Variants in DNAJA2 observed in about 807,000 individuals in gnomAD.
DNAJA2 encodes the protein DnaJ heat shock protein family (Hsp40) member A2, also known as dnaJ homolog subfamily A member 2.
A neutral mutation model predicts 49.3 loss-of-function variants in DNAJA2; 6 were observed. The observed-to-expected ratio is 0.12, with a 90% CI of 0.07 to 0.24. The LOEUF (loss-of-function observed/expected upper bound fraction) is 0.24, where lower values mean the gene tolerates loss of function less well. Ranked by LOEUF, DNAJA2 falls within the 10% of genes least tolerant of loss-of-function variation. DNAJA2 has a pLI of 1.00. For missense variants in DNAJA2, 347 were observed against 516.8 expected (o/e 0.67, Z 3.19); for synonymous variants, 160 against 172.7 (o/e 0.93, Z 0.58).
intron 3 of DNAJA2, among the ~76,000 whole-genome samples, chr16:46,970,843 A>G (rs1490443942): frequency 6.7e-6 from 1 of 149,878 alleles, no homozygotes; most frequent in Non-Finnish European, 1.5e-5. Context: ...GTTCGAGACC[A>G]GCATGACCAA....
chr16:46,958,815 C>T (rs888618654), intron 8 of DNAJA2, 188 bp downstream of exon 8: 3 of 563,942 alleles, frequency 5.3e-6, no homozygotes, highest in Non-Finnish European at 8.7e-6. Flanking sequence ...CATGGCAACA[C>T]ACACCTGTAG....
In DNAJA2 at chr16:46,956,988, A is replaced by C; in HGVS notation, c.*41T>G. Reference sequence around the variant, plus strand: ...GGATTGCTGAGAACAAATCAGGCAAATGTGGAAAGAAAATCCACCTGTGCA... The same window carrying C: ...GGATTGCTGAGAACAAATCAGGCAACTGTGGAAAGAAAATCCACCTGTGCA... On this transcript the variant is annotated 3_prime_UTR_variant, in exon 9 of 9. Coordinates refer to ENST00000317089, the MANE Select transcript of DNAJA2 (RefSeq NM_005880.4). 6.2e-7 allele frequency: 1 copy of C among 1,610,308 alleles called. No homozygotes were observed. The highest frequency in any genetic ancestry group is 8.5e-7 in the Non-Finnish European group (1 of 1,176,542).
intron 1 of DNAJA2, chr16:46,972,504 G>A (rs1364206681): frequency 6.5e-6 from 1 of 154,722 alleles, no homozygotes; most frequent in African/African-American, 2.4e-5. Context: ...GGCAACTTCG[G>A]TGGTAGAGAA....
intron 5 of DNAJA2, among the ~76,000 whole-genome samples, chr16:46,965,613 C>A (rs1414111327): frequency 6.8e-6 from 1 of 147,110 alleles, no homozygotes; most frequent in African/African-American, 2.5e-5. Flanking sequence ...GGAGGATCAC[C>A]TGAGGTCAGG....
At chr16:46,961,153 T>G (rs555718262) in intron 6 of DNAJA2, among the ~76,000 whole-genome samples, 1 of 152,152 alleles carries the variant, frequency 6.6e-6, no homozygotes, top group African/African-American at 2.4e-5. Context: ...TCCCAGCACT[T>G]TGGGAGGCTG....
chr16:46,958,340 A>C (rs1961845470), intron 8 of DNAJA2, among the ~76,000 whole-genome samples: 1 of 152,046 alleles, frequency 6.6e-6, no homozygotes, highest in Non-Finnish European at 1.5e-5. Context: ...TCATGAGGTC[A>C]GGAGATCGAG....
At position 46,973,646 on chromosome 16, in the gene DNAJA2, C is replaced by G. The variant is rs1962092488; in HGVS notation, c.-74G>C. ...GCGGAGTCGGGCCCACAAGCGGCGT[C>G]GGCGGCGGCACAGGCCGAGGGAGAC... is the stretch of plus-strand genomic sequence containing the variant. On this transcript the variant is annotated 5_prime_UTR_variant, in exon 1 of 9. Coordinates refer to ENST00000317089, the MANE Select transcript of DNAJA2 (RefSeq NM_005880.4). 3.3e-6 allele frequency: 5 copies of G among 1,499,146 alleles called. No individual in the cohort carries two copies. Among genetic ancestry groups the G allele is most frequent in the Admixed American group, 1.9e-5 (1 of 53,506 alleles). 92.9% of individuals were successfully genotyped at this position (1,499,146 alleles called of 1,614,324 possible). A position where few individuals can be genotyped will look rare whatever the true frequency, so the allele number is the denominator to read the frequency against.
chr16:46,973,648 G>T lies in DNAJA2; in HGVS notation c.-76C>A, dbSNP rs1309814218. On this transcript the variant is annotated 5_prime_UTR_variant, in exon 1 of 9. Transcript: ENST00000317089. ...GGAGTCGGGCCCACAAGCGGCGTCG[G>T]CGGCGGCACAGGCCGAGGGAGACAG... The T allele has an allele frequency of 2.0e-6, 3 of 1,493,824 alleles. No homozygotes were observed. Among genetic ancestry groups the T allele is most frequent in the Non-Finnish European group, 1.8e-6 (2 of 1,105,818 alleles). 92.5% of individuals were successfully genotyped at this position (1,493,824 alleles called of 1,614,324 possible).
intron 4 of DNAJA2, 119 bp from the exon 5 acceptor site, chr16:46,967,765 G>A (rs1311962556): frequency 7.4e-7 from 1 of 1,354,588 alleles, no homozygotes; most frequent in Admixed American, 2.1e-5. Flanking sequence ...TATTTAAATT[G>A]ACTTCCAGAA....
At position 46,956,829 on chromosome 16, in the gene DNAJA2, CA is replaced by C; in HGVS notation, c.*199del. On this transcript the variant is annotated 3_prime_UTR_variant, in exon 9 of 9. Coordinates refer to ENST00000317089, the MANE Select transcript of DNAJA2 (RefSeq NM_005880.4). ...TCAAGTGCTTTATTCTGCTATGGAA[CA>C]GTCAAAATGAAGATGTAAAGCTTTG... The C allele has an allele frequency of 1.7e-6, 1 of 591,540 alleles. No individual in the cohort carries two copies. Among genetic ancestry groups the C allele is most frequent in the African/African-American group, 1.9e-5 (1 of 53,148 alleles). 36.6% of individuals were successfully genotyped at this position (591,540 alleles called of 1,614,324 possible).
chr16:46,968,200 C>T, intron 3 of DNAJA2, 36 bp from the exon 4 acceptor site: 1 of 1,494,840 alleles, frequency 6.7e-7, no homozygotes, highest in Non-Finnish European at 9.1e-7. Context: ...TCAAATTTTG[C>T]CACATTTTGT....
At chr16:46,961,483 G>C (rs1961894449) in intron 6 of DNAJA2, among the ~76,000 whole-genome samples, 1 of 151,810 alleles carries the variant, frequency 6.6e-6, no homozygotes, top group African/African-American at 2.4e-5. Context: ...GAGGTCAGGA[G>C]TTTGAGACCA....
chr16:46,963,709 C>T (rs571485108), intron 6 of DNAJA2, among the ~76,000 whole-genome samples: 1 of 151,780 alleles, frequency 6.6e-6, no homozygotes, highest in South Asian at 2.1e-4. Flanking sequence ...AAAACAAAAA[C>T]CCCCCAAAAC....
At chr16:46,958,875 T>G in intron 8 of DNAJA2, 128 bp downstream of exon 8, 1 of 972,910 alleles carries the variant, frequency 1.0e-6, no homozygotes, top group Non-Finnish European at 1.5e-6. Context: ...GCCCAGGAGG[T>G]CGAGGCTGCA....
intron 5 of DNAJA2, among the ~76,000 whole-genome samples, chr16:46,966,120 G>C (rs994368449): frequency 6.6e-6 from 1 of 152,112 alleles, no homozygotes; most frequent in Non-Finnish European, 1.5e-5. Context: ...GCTAATTGTG[G>C]GGCGAGGGGC....
At chr16:46,971,050 A>G (rs552933552) in intron 3 of DNAJA2, among the ~76,000 whole-genome samples, 4 of 140,986 alleles carry the variant, frequency 2.8e-5, no homozygotes, top group African/African-American at 1.0e-4. Flanking sequence ...AAAAAAAAAG[A>G]GAGAGAGAGA....
chr16:46,969,714 G>A (rs929298291), intron 3 of DNAJA2, among the ~76,000 whole-genome samples: 1 of 152,080 alleles, frequency 6.6e-6, no homozygotes, highest in African/African-American at 2.4e-5. Context: ...GAAAAAACCT[G>A]GGAATACCCT....
At chr16:46,971,318 A>T (rs760189899) in intron 3 of DNAJA2, 31 bp downstream of exon 3, 1 of 1,588,592 alleles carries the variant, frequency 6.3e-7, no homozygotes, top group Non-Finnish European at 8.6e-7. Flanking sequence ...AAAGTACTTA[A>T]TTTTTTAAAA....
intron 3 of DNAJA2, among the ~76,000 whole-genome samples, chr16:46,969,028 C>A (rs1488513357): frequency 6.6e-6 from 1 of 152,112 alleles, no homozygotes; most frequent in East Asian, 1.9e-4. Flanking sequence ...GCCTGGGGGA[C>A]AGAGTGAGAC....
Sources: gnomAD v4.1 joint callset for allele counts (sites outside exome capture counted in the v4.1 genomes callset) on GRCh38, gnomAD v4.1.1 for gene constraint, MANE v1.5 for transcripts, NCBI Gene and HGNC (gene_info 2026-07-23, HGNC 2026-07-21) for gene names.